CLMP: variants seen among roughly 807,000 people sequenced by gnomAD.
CLMP encodes CXADR like cell adhesion molecule, also known as CXADR-like membrane protein.
Under a neutral mutation model 45.2 loss-of-function variants are expected in CLMP, and 27 were observed. The observed-to-expected ratio is 0.60, with a 90% CI of 0.44 to 0.82. The LOEUF (loss-of-function observed/expected upper bound fraction) is 0.82. Ranked by LOEUF, CLMP falls within the 40% of genes least tolerant of loss-of-function variation. The pLI, the probability that CLMP is intolerant of heterozygous loss-of-function variation, is 0.00. For missense variants in CLMP, 403 were observed against 448.4 expected, an observed-to-expected ratio of 0.90 and a Z score of 0.91; for synonymous variants, 167 against 171.4, an observed-to-expected ratio of 0.97 and a Z score of 0.20.
At chr11:123,174,954 C>A (rs1347471487) in intron 1 of CLMP, among the ~76,000 whole-genome samples, 1 of 151,998 alleles carries the variant, frequency 6.6e-6, no homozygotes, top group Non-Finnish European at 1.5e-5. Context: ...AAAGTGGTAG[C>A]TTTTCTTTGG....
chr11:123,187,414 C>A (rs1486354364), intron 1 of CLMP, among the ~76,000 whole-genome samples: 2 of 152,208 alleles, frequency 1.3e-5, no homozygotes, highest in Non-Finnish European at 2.9e-5. Flanking sequence ...TCCCCACAAA[C>A]CCAAGCCTAT....
intron 1 of CLMP, among the ~76,000 whole-genome samples, chr11:123,184,957 A>G (rs1485592361): frequency 6.6e-6 from 1 of 152,190 alleles, no homozygotes; most frequent in Non-Finnish European, 1.5e-5. Context: ...ACATGCCACA[A>G]ACTATTCTAA....
intron 1 of CLMP, among the ~76,000 whole-genome samples, chr11:123,099,657 G>C (rs925758389): frequency 2.6e-5 from 4 of 151,838 alleles, no homozygotes; most frequent in Non-Finnish European, 4.4e-5. Context: ...TGTTGGGGGA[G>C]ATGATGGGAT....
intron 1 of CLMP, among the ~76,000 whole-genome samples, chr11:123,170,835 C>T (rs1462871044): frequency 6.6e-6 from 1 of 152,170 alleles, no homozygotes; most frequent in Non-Finnish European, 1.5e-5. Flanking sequence ...CCTGCTGCCT[C>T]CTTGGTCACA....
intron 1 of CLMP, among the ~76,000 whole-genome samples, chr11:123,101,390 A>G (rs1346740941): frequency 2.0e-5 from 3 of 152,252 alleles, no homozygotes; most frequent in Non-Finnish European, 4.4e-5. Context: ...TACAGGCATG[A>G]GCCACCAAAC....
intron 1 of CLMP, among the ~76,000 whole-genome samples, chr11:123,105,820 T>G (rs1041932570): frequency 2.8e-5 from 4 of 144,142 alleles, no homozygotes; most frequent in Non-Finnish European, 6.1e-5. Context: ...TTGTTTGTTT[T>G]TTGTTTTTTT....
At chr11:123,093,507 T>C (rs1865956492) in intron 2 of CLMP, among the ~76,000 whole-genome samples, 1 of 143,752 alleles carries the variant, frequency 7.0e-6, no homozygotes. Flanking sequence ...CCACCATGCC[T>C]GGCTAATTTT....
intron 5 of CLMP, among the ~76,000 whole-genome samples, chr11:123,078,873 T>C (rs1206764099): frequency 1.3e-5 from 2 of 152,136 alleles, no homozygotes; most frequent in African/African-American, 2.4e-5. Context: ...CTCGATCTCT[T>C]GACCTCGTGA....
At chr11:123,090,363 G>A (rs1865916840) in intron 2 of CLMP, among the ~76,000 whole-genome samples, 1 of 151,446 alleles carries the variant, frequency 6.6e-6, no homozygotes, top group Non-Finnish European at 1.5e-5. Context: ...TGGAGGTTGC[G>A]GTGAGCCGAG....
intron 1 of CLMP, 46 bp downstream of exon 1, chr11:123,194,867 G>GCT (rs763662657): frequency 1.2e-5 from 19 of 1,611,244 alleles, no homozygotes; most frequent in Middle Eastern, 1.6e-4. Context: ...GCAGGGCTGC[G>GCT]TTTGCCCACG....
At chr11:123,182,109 T>C (rs1254516169) in intron 1 of CLMP, among the ~76,000 whole-genome samples, 2 of 152,154 alleles carry the variant, frequency 1.3e-5, no homozygotes, top group Non-Finnish European at 2.9e-5. Flanking sequence ...AGCAAAACAT[T>C]AACAAAAGAT....
At chr11:123,137,278 C>T (rs548745636) in intron 1 of CLMP, among the ~76,000 whole-genome samples, 52 of 151,150 alleles carry the variant, frequency 3.4e-4, no homozygotes, top group African/African-American at 1.1e-3. Context: ...CTCAGCCTCC[C>T]GAGTAGCTGG....
chr11:123,145,303 G>C (rs925513678), intron 1 of CLMP, among the ~76,000 whole-genome samples: 2 of 152,030 alleles, frequency 1.3e-5, no homozygotes, highest in Admixed American at 6.6e-5. Flanking sequence ...GTCTGTTTTC[G>C]TGCCAACCTC....
intron 1 of CLMP, among the ~76,000 whole-genome samples, chr11:123,110,609 A>G (rs1860624479): frequency 6.6e-6 from 1 of 151,994 alleles, no homozygotes; most frequent in Admixed American, 6.6e-5. Flanking sequence ...ACAGACCGAA[A>G]CTTCTCAAAG....
At chr11:123,128,241 A>G (rs1319065196) in intron 1 of CLMP, among the ~76,000 whole-genome samples, 2 of 145,722 alleles carry the variant, frequency 1.4e-5, no homozygotes, top group Non-Finnish European at 3.0e-5. Flanking sequence ...TAAAAAAAGA[A>G]AAAAAAAAAA....
chr11:123,132,231 G>A (rs1457795683), intron 1 of CLMP, among the ~76,000 whole-genome samples: 1 of 152,072 alleles, frequency 6.6e-6, no homozygotes, highest in Non-Finnish European at 1.5e-5. Flanking sequence ...GGCTGATTCA[G>A]TCCCATGCCA....
chr11:123,115,530 A>T (rs1860708518), intron 1 of CLMP, among the ~76,000 whole-genome samples: 1 of 152,138 alleles, frequency 6.6e-6, no homozygotes, highest in Non-Finnish European at 1.5e-5. Context: ...ACAAGTAGAC[A>T]CAAAAGAGTA....
At chr11:123,173,866 G>A (rs556774524) in intron 1 of CLMP, among the ~76,000 whole-genome samples, 219 of 152,264 alleles carry the variant, frequency 1.4e-3, no homozygotes, top group African/African-American at 5.0e-3. Context: ...TGGATCGCTT[G>A]AGCTCAGGAG....
chr11:123,192,971 G>C (rs570202658), intron 1 of CLMP: 11 of 152,278 alleles, frequency 7.2e-5, no homozygotes, highest in Admixed American at 2.0e-4. Flanking sequence ...AATAAGGACA[G>C]GTGCTCAAAA....
Sources: gnomAD v4.1 joint callset for allele counts (sites outside exome capture counted in the v4.1 genomes callset) on GRCh38, gnomAD v4.1.1 for gene constraint, MANE v1.5 for transcripts, NCBI Gene and HGNC (gene_info 2026-07-23, HGNC 2026-07-21) for gene names.